PPP1R12A: variants seen among roughly 807,000 people sequenced by gnomAD.
The protein encoded by PPP1R12A is protein phosphatase 1 regulatory subunit 12A.
PPP1R12A carries 19 observed loss-of-function variants against 139.6 expected under a neutral mutation model. The ratio of observed to expected loss-of-function variants is 0.14; its 90% CI spans 0.09 to 0.20. PPP1R12A has a LOEUF of 0.20. Among genes scored for constraint, PPP1R12A ranks in the 10% least tolerant of loss-of-function variants. PPP1R12A has a pLI of 1.00. For missense variants in PPP1R12A, 925 were observed against 1,211.5 expected, an observed-to-expected ratio of 0.76 and a Z score of 3.51; for synonymous variants, 427 against 420.6, an observed-to-expected ratio of 1.02 and a Z score of -0.19.
intron 5 of PPP1R12A, 102 bp from the exon 6 acceptor site, chr12:79,822,292 T>G: frequency 1.3e-6 from 1 of 775,346 alleles, no homozygotes; most frequent in Non-Finnish European, 2.1e-6. Flanking sequence ...TTGGATAACA[T>G]TTTTTACAGT....
intron 3 of PPP1R12A, among the ~76,000 whole-genome samples, chr12:79,842,974 T>C (rs1269999585): frequency 1.3e-5 from 2 of 152,138 alleles, no homozygotes; most frequent in African/African-American, 4.8e-5. Context: ...TTCCAGCCCC[T>C]GGCAGCCATC....
intron 20 of PPP1R12A, among the ~76,000 whole-genome samples, chr12:79,789,010 C>T (rs1871466334): frequency 6.6e-6 from 1 of 152,142 alleles, no homozygotes; most frequent in Admixed American, 6.5e-5. Flanking sequence ...GATCTCAGGT[C>T]ACTGCAGACT....
At chr12:79,811,077 A>G (rs1874466687) in intron 9 of PPP1R12A, among the ~76,000 whole-genome samples, 1 of 152,154 alleles carries the variant, frequency 6.6e-6, no homozygotes, top group African/African-American at 2.4e-5. Context: ...TCTATACTCA[A>G]CCACAGTTAA....
chr12:79,934,827 C>A lies in PPP1R12A; in HGVS notation c.105G>T (p.Lys35Asn). ...EPPVVKRQKT[K>N]VKFDDGAVFL... Reference sequence around the variant, plus strand: ...AGACGGCGCCATCGTCGAACTTCACCTTGGTCTTCTGGCGCTTCACCACCG... The same window carrying A: ...AGACGGCGCCATCGTCGAACTTCACATTGGTCTTCTGGCGCTTCACCACCG... Residue 35 changes from lysine (K) to asparagine (N), a missense_variant, in exon 1 of 25, where the codon AAG (lysine) becomes AAT (asparagine). This residue lies in a region of PPP1R12A where 199 missense variants were observed against 352.4 expected (regional missense o/e 0.56). Transcript: ENST00000450142. 2 of 1,609,762 alleles carry A rather than the reference C, an allele frequency of 1.2e-6. No homozygotes were observed. Among genetic ancestry groups the A allele is most frequent in the Non-Finnish European group, 1.7e-6 (2 of 1,178,216 alleles).
intron 19 of PPP1R12A, among the ~76,000 whole-genome samples, chr12:79,791,520 G>A (rs1871856102): frequency 6.6e-6 from 1 of 152,132 alleles, no homozygotes; most frequent in Non-Finnish European, 1.5e-5. Flanking sequence ...TGGAGACAGT[G>A]TCTCCCTATG....
chr12:79,855,498 T>C (rs1360942275), intron 2 of PPP1R12A, among the ~76,000 whole-genome samples: 1 of 152,140 alleles, frequency 6.6e-6, no homozygotes, highest in Non-Finnish European at 1.5e-5. Flanking sequence ...TAACCAATAA[T>C]GGGATTGCTG....
At chr12:79,929,892 A>G (rs1168316915) in intron 1 of PPP1R12A, among the ~76,000 whole-genome samples, 1 of 152,208 alleles carries the variant, frequency 6.6e-6, no homozygotes, top group African/African-American at 2.4e-5. Flanking sequence ...TACGCTAAGT[A>G]TCTGATGCGA....
intron 19 of PPP1R12A, among the ~76,000 whole-genome samples, chr12:79,792,002 G>C (rs540551164): frequency 1.7e-3 from 254 of 152,066 alleles, no homozygotes; most frequent in Non-Finnish European, 2.8e-3. Context: ...AGATAAAAAA[G>C]ATTAAAATAT....
chr12:79,859,014 T>TG (rs1376585367), intron 2 of PPP1R12A, among the ~76,000 whole-genome samples: 5 of 151,468 alleles, frequency 3.3e-5, no homozygotes, highest in Non-Finnish European at 5.9e-5. Context: ...GCGGCTACTG[T>TG]GAAAAAAAAT....
chr12:79,927,554 C>T (rs1887937804), intron 1 of PPP1R12A, among the ~76,000 whole-genome samples: 1 of 152,118 alleles, frequency 6.6e-6, no homozygotes, highest in African/African-American at 2.4e-5. Context: ...CCTCCAATTA[C>T]TAAACACCAC....
At chr12:79,860,525 A>G (rs1881197410) in intron 2 of PPP1R12A, among the ~76,000 whole-genome samples, 1 of 152,200 alleles carries the variant, frequency 6.6e-6, no homozygotes, top group Non-Finnish European at 1.5e-5. Flanking sequence ...AAGTGGAGAA[A>G]TACGTGTGTG....
chr12:79,934,974 G>A lies in PPP1R12A; in HGVS notation c.-43C>T, dbSNP rs754986900. 1.5e-5 allele frequency: 23 copies of A among 1,538,348 alleles called. No individual in the cohort carries two copies. Among genetic ancestry groups the A allele is most frequent in the Middle Eastern group, 3.4e-4 (2 of 5,900 alleles). ...GGTCTTCTTATCGCGAGGGGGGGAA[G>A]GGGGAGGCGGAGAGGGAAGAGAGGG... On this transcript the variant is annotated 5_prime_UTR_variant, in exon 1 of 25. Transcript: ENST00000450142.
Position 79,894,391 on chromosome 12 carries a change from T to C in PPP1R12A, c.238-21453A>G, listed in dbSNP as rs536589065. On this transcript the variant is annotated intron_variant, in intron 1 of 24. Coordinates refer to ENST00000450142, the MANE Select transcript of PPP1R12A (RefSeq NM_002480.3). ...TTCTTTCTTTTTTGGAGTGGTGCCTTGCATTTCACTAGAAATCTAAAAGCT... is the reference window on the plus strand; with the variant it reads ...TTCTTTCTTTTTTGGAGTGGTGCCTCGCATTTCACTAGAAATCTAAAAGCT... 7.9e-5 allele frequency among the ~76,000 whole-genome samples: 12 copies of C among 152,282 alleles called. No homozygotes were observed. In the South Asian group the frequency reaches 2.3e-3, roughly 29 times the overall value.
At chr12:79,876,852 A>G (rs1057308420) in intron 1 of PPP1R12A, among the ~76,000 whole-genome samples, 1 of 152,098 alleles carries the variant, frequency 6.6e-6, no homozygotes, top group African/African-American at 2.4e-5. Flanking sequence ...TCTACTAAAA[A>G]TACAAAAAAC....
rs371156837 is a variant in PPP1R12A, at chr12:79,792,175, T to C, written c.2649+1688A>G. ...ATAATATCTATGTGAATATAGAAAATATTGATCTATGCACATACATTGCAC... is the reference window on the plus strand; with the variant it reads ...ATAATATCTATGTGAATATAGAAAACATTGATCTATGCACATACATTGCAC... On this transcript the variant is annotated intron_variant, in intron 19 of 24. Transcript: ENST00000450142. Among the ~76,000 whole-genome samples the C allele has an allele frequency of 8.5e-5, 13 of 152,242 alleles. No homozygotes were observed. The East Asian group carries it at 9.7e-4, about 11-fold the overall frequency.
chr12:79,801,981 CTA>C (rs1488761879), intron 14 of PPP1R12A, among the ~76,000 whole-genome samples: 1 of 152,006 alleles, frequency 6.6e-6, no homozygotes, highest in South Asian at 2.1e-4. Flanking sequence ...ATAACAGATA[CTA>C]TGTTTTTATA....
At chr12:79,892,008 G>T (rs2137428643) in intron 1 of PPP1R12A, among the ~76,000 whole-genome samples, 1 of 152,316 alleles carries the variant, frequency 6.6e-6, no homozygotes, top group Non-Finnish European at 1.5e-5. Flanking sequence ...CACAGAAAGT[G>T]TGAGCTAATG....
chr12:79,781,521 T>A (rs1870448337), intron 23 of PPP1R12A, among the ~76,000 whole-genome samples: 1 of 152,052 alleles, frequency 6.6e-6, no homozygotes, highest in African/African-American at 2.4e-5. Flanking sequence ...TTCAAAAATA[T>A]CAAATTCACT....
chr12:79,785,181 T>TGAC (rs1173816803), intron 22 of PPP1R12A, among the ~76,000 whole-genome samples: 3 of 152,242 alleles, frequency 2.0e-5, no homozygotes, highest in Non-Finnish European at 4.4e-5. Context: ...TTAATGTGTA[T>TGAC]GACACTGTAA....
Sources: gnomAD v4.1 joint callset for allele counts (sites outside exome capture counted in the v4.1 genomes callset) on GRCh38, gnomAD v4.1.1 for gene constraint, gnomAD v4.1.1 regional missense constraint, MANE v1.5 for transcripts, NCBI Gene and HGNC (gene_info 2026-07-23, HGNC 2026-07-21) for gene names.